The following KANK1 variants were observed in gnomAD, a reference collection of about 807,000 sequenced individuals.
The protein encoded by KANK1 is KN motif and ankyrin repeat domain-containing protein 1.
A neutral mutation model predicts 106.2 loss-of-function variants in KANK1; 109 were observed. The ratio of observed to expected loss-of-function variants is 1.03; its 90% confidence interval spans 0.88 to 1.20. KANK1 has a LOEUF of 1.20. Ranked by LOEUF, KANK1 falls within the 50% of genes most tolerant of loss-of-function variation. The pLI, the probability that KANK1 is intolerant of heterozygous loss-of-function variation, is 0.00. For synonymous variants in KANK1, 873 were observed against 652.2 expected (o/e 1.34, Z -5.16); for missense variants, 2,399 against 1,710.7 (o/e 1.40, Z -7.10).
intron 1 of KANK1, among the ~76,000 whole-genome samples, chr9:647,523 A>G (rs1839941822): frequency 6.6e-6 from 1 of 150,948 alleles, no homozygotes; most frequent in Non-Finnish European, 1.5e-5. Flanking sequence ...TTTCTAGTAT[A>G]GTCTTTCATC....
chr9:502,447 C>T (rs1296192383), upstream of KANK1, among the ~76,000 whole-genome samples: 1 of 151,966 alleles, frequency 6.6e-6, no homozygotes, highest in East Asian at 1.9e-4. Flanking sequence ...CTCTTGAGGG[C>T]CTATCAATGT....
At chr9:563,284 A>G (rs569984135) in intron 1 of KANK1, among the ~76,000 whole-genome samples, 1 of 152,078 alleles carries the variant, frequency 6.6e-6, no homozygotes, top group Non-Finnish European at 1.5e-5. Context: ...TAATGTTGCT[A>G]TCCCTAATAC....
intron 1 of KANK1, among the ~76,000 whole-genome samples, chr9:573,438 T>G (rs867792019): frequency 6.6e-6 from 1 of 151,828 alleles, no homozygotes; most frequent in Non-Finnish European, 1.5e-5. Flanking sequence ...CGTGGCTAAT[T>G]TTTTTGTATT....
chr9:528,784 T>G (rs1417766457), intron 1 of KANK1, among the ~76,000 whole-genome samples: 1 of 151,700 alleles, frequency 6.6e-6, no homozygotes, highest in East Asian at 1.9e-4. Flanking sequence ...CACCATGCCA[T>G]TTTCAAGCTA....
At chr9:568,302 T>G (rs1039768460) in intron 1 of KANK1, among the ~76,000 whole-genome samples, 1 of 152,216 alleles carries the variant, frequency 6.6e-6, no homozygotes, top group Admixed American at 6.5e-5. Context: ...TCATACCCAG[T>G]TTTCAACCTA....
intron 1 of KANK1, chr9:559,071 C>G (rs1157045199): frequency 3.9e-5 from 6 of 152,046 alleles, no homozygotes; most frequent in Non-Finnish European, 8.8e-5. Context: ...ATTTTTTCAT[C>G]TTTATTTCTT....
chr9:537,672 G>T (rs568635155), intron 1 of KANK1, among the ~76,000 whole-genome samples: 4 of 152,126 alleles, frequency 2.6e-5, no homozygotes, highest in African/African-American at 4.8e-5. Flanking sequence ...TTCTCAACAG[G>T]TGGGGGTGGG....
Position 614,480 on chromosome 9 carries a change from C to G in KANK1, c.-83-62410C>G, listed in dbSNP as rs115991580. Among the ~76,000 whole-genome samples, 104 of 152,210 alleles carry G rather than the reference C, an allele frequency of 6.8e-4. 1 individual carries two copies. The highest frequency in any genetic ancestry group is 2.4e-3 in the African/African-American group (98 of 41,514). On this transcript the variant is annotated intron_variant, in intron 1 of 11. Transcript: ENST00000382297. ...AAATTTTAGGATTTTTACAGCATAT[C>G]TTGGCTGACACTGATCTTGGTCCTA...
At chr9:479,711 A>G (rs887067704) in intron 3 of KANK1, among the ~76,000 whole-genome samples, 1 of 152,220 alleles carries the variant, frequency 6.6e-6, no homozygotes, top group Non-Finnish European at 1.5e-5. Context: ...GAGAAGAGAA[A>G]CATGCAAATG....
Position 711,415 on chromosome 9 carries a change from C to G in KANK1, c.649C>G (p.Gln217Glu). ...PAKHQLQNGY[Q>E]GNGDYGSYAP... ...CAAGCACCAGCTTCAGAATGGATAC[C>G]AAGGTAATGGGGATTATGGTAGCTA... The change falls in exon 3 of 12, where the codon CAA becomes GAA. Residue 217 changes from glutamine (Q) to glutamate (E), a missense_variant. Transcript: ENST00000382297. 2 of 1,614,134 alleles carry G rather than the reference C, an allele frequency of 1.2e-6. No homozygotes were observed. The highest frequency in any genetic ancestry group is 1.7e-6 in the Non-Finnish European group (2 of 1,180,020).
At chr9:609,700 CT>C (rs1360101721) in intron 1 of KANK1, among the ~76,000 whole-genome samples, 1 of 152,036 alleles carries the variant, frequency 6.6e-6, no homozygotes, top group Non-Finnish European at 1.5e-5. Context: ...CATATTTTGC[CT>C]TTTAATCTAT....
chr9:619,777 T>C (rs972220769), intron 1 of KANK1, among the ~76,000 whole-genome samples: 2 of 152,190 alleles, frequency 1.3e-5, no homozygotes, highest in African/African-American at 4.8e-5. Context: ...CAATGATTTT[T>C]AAATACTTTA....
At chr9:678,436 A>T (rs974184537) in intron 2 of KANK1, among the ~76,000 whole-genome samples, 4 of 152,204 alleles carry the variant, frequency 2.6e-5, no homozygotes, top group Admixed American at 6.5e-5. Flanking sequence ...AAATGAAGTA[A>T]GAAAAATCAG....
intron 3 of KANK1, among the ~76,000 whole-genome samples, chr9:716,948 A>G (rs1338842997): frequency 6.9e-6 from 1 of 144,028 alleles, no homozygotes; most frequent in African/African-American, 2.6e-5. Flanking sequence ...ACACCACTAC[A>G]CTCCAGCCTG....
intron 1 of KANK1, among the ~76,000 whole-genome samples, chr9:602,270 T>G (rs1171170836): frequency 6.6e-6 from 1 of 151,848 alleles, no homozygotes; most frequent in Non-Finnish European, 1.5e-5. Flanking sequence ...TTATTTTATT[T>G]TATTTTTTGA....
chr9:583,553 C>A (rs1822696313), intron 1 of KANK1, among the ~76,000 whole-genome samples: 1 of 151,874 alleles, frequency 6.6e-6, no homozygotes. Context: ...ATGAAGGATC[C>A]CTCAGTATCC....
At chr9:718,063 A>C (rs189005245) in intron 3 of KANK1, among the ~76,000 whole-genome samples, 1 of 152,328 alleles carries the variant, frequency 6.6e-6, no homozygotes, top group East Asian at 1.9e-4. Context: ...AAGCAAAAGT[A>C]GTCATTACAA....
chr9:724,697 G>A lies in KANK1; in HGVS notation c.2699-5354G>A, dbSNP rs552283611. 1.6e-4 allele frequency among the ~76,000 whole-genome samples: 25 copies of A among 152,218 alleles called. 1 individual carries two copies. In the South Asian group the frequency reaches 5.0e-3, roughly 30 times the overall value. ...GGCACTTGTAATCCCAGCTACTCAG[G>A]AGGCTGAAGCAGGAGAATCACTTGA... On this transcript the variant is annotated intron_variant, in intron 3 of 11. Transcript: ENST00000382297.
chr9:697,076 CTG>C (rs3028272), intron 2 of KANK1, among the ~76,000 whole-genome samples: 3,683 of 151,006 alleles, frequency 0.024, 145 homozygotes, highest in African/African-American at 0.083. Context: ...TTTGTTCCAT[CTG>C]TGTGTGTGTG....
Sources: allele counts gnomAD v4.1 joint callset (sites outside exome capture counted in the v4.1 genomes callset), GRCh38; gene constraint gnomAD v4.1.1; transcripts MANE v1.5; gene names NCBI Gene and HGNC (gene_info 2026-07-23, HGNC 2026-07-21).